The following PYY variants were observed in gnomAD, a reference collection of about 807,000 sequenced individuals.
The protein encoded by PYY is peptide YY.
A neutral mutation model predicts 10.3 loss-of-function variants in PYY; 12 were observed. That is an observed-to-expected ratio of 1.17 (90% CI 0.75 to 1.89). The LOEUF (loss-of-function observed/expected upper bound fraction) is 1.89, where lower values mean the gene tolerates loss of function less well. Ranked by LOEUF, PYY falls within the 40% of genes most tolerant of loss-of-function variation. The pLI, the probability that PYY is intolerant of heterozygous loss-of-function variation, is 0.00. For synonymous variants in PYY, 66 were observed against 62.0 expected, an observed-to-expected ratio of 1.06 and a Z score of -0.30; for missense variants, 141 against 134.0, an observed-to-expected ratio of 1.05 and a Z score of -0.26.
chr17:43,985,654 A>G (rs879694366), intron 1 of PYY, among the ~76,000 whole-genome samples: 9 of 152,216 alleles, frequency 5.9e-5, no homozygotes, highest in Non-Finnish European at 1.2e-4. Context: ...AATGTAACCA[A>G]TGGATATATC....
intron 1 of PYY, among the ~76,000 whole-genome samples, chr17:43,976,424 CAT>C (rs138273262): frequency 2.9e-4 from 36 of 126,108 alleles, no homozygotes; most frequent in African/African-American, 1.0e-3. Context: ...TATACATATA[CAT>C]ATATACACAT....
chr17:43,981,489 TTTTG>T (rs746345844), intron 1 of PYY, among the ~76,000 whole-genome samples: 66 of 152,104 alleles, frequency 4.3e-4, no homozygotes, highest in Non-Finnish European at 7.7e-4. Flanking sequence ...CTTTTCATGG[TTTTG>T]TTTGTTTGTT....
Position 43,991,887 on chromosome 17 carries a change from G to A in PYY, c.-463+12504C>T, listed in dbSNP as rs566750280. On this transcript the variant is annotated intron_variant, in intron 1 of 6. Transcript: ENST00000360085. ...TGTAATCCCAACACTCTGGGAGGCC[G>A]AGGCAGACGGATCACGAGGTCAGGA... Among the ~76,000 whole-genome samples the A allele has an allele frequency of 6.6e-5, 10 of 151,414 alleles. No homozygotes were observed. The South Asian group carries it at 8.3e-4, about 13-fold the overall frequency.
intron 1 of PYY, among the ~76,000 whole-genome samples, chr17:43,989,228 G>T (rs1205238206): frequency 6.6e-6 from 1 of 152,004 alleles, no homozygotes; most frequent in Non-Finnish European, 1.5e-5. Flanking sequence ...CAAAAAATTA[G>T]CCGGGCGTGG....
At chr17:43,960,813 G>T (rs958318670) in intron 2 of PYY, among the ~76,000 whole-genome samples, 93 of 148,016 alleles carry the variant, frequency 6.3e-4, no homozygotes, top group African/African-American at 2.3e-3. Context: ...TCATGCCACT[G>T]CACTCCAACC....
chr17:44,000,435 T>C (rs1485557776), intron 1 of PYY, among the ~76,000 whole-genome samples: 1 of 152,122 alleles, frequency 6.6e-6, no homozygotes, highest in Non-Finnish European at 1.5e-5. Flanking sequence ...TCTGGGTGTG[T>C]CAAAGTGTCC....
intron 1 of PYY, among the ~76,000 whole-genome samples, chr17:43,989,097 G>A (rs892407829): frequency 3.3e-5 from 5 of 151,902 alleles, no homozygotes; most frequent in Middle Eastern, 3.4e-3. Flanking sequence ...ATAACAGGCT[G>A]GGCGCGGTGG....
At chr17:44,000,402 CA>C (rs1402817903) in intron 1 of PYY, among the ~76,000 whole-genome samples, 1 of 152,002 alleles carries the variant, frequency 6.6e-6, no homozygotes, top group Non-Finnish European at 1.5e-5. Context: ...GGGCAGATGG[CA>C]CTGTCAAGAG....
chr17:43,973,348 G>A (rs1361879986), intron 1 of PYY, among the ~76,000 whole-genome samples: 8 of 152,130 alleles, frequency 5.3e-5, no homozygotes, highest in African/African-American at 1.9e-4. Context: ...CTAGGTCGTT[G>A]TGGAGGAAAA....
At chr17:43,972,777 C>A (rs1041892294) in intron 1 of PYY, among the ~76,000 whole-genome samples, 1 of 152,060 alleles carries the variant, frequency 6.6e-6, no homozygotes, top group Admixed American at 6.6e-5. Context: ...GGTGCAGTGG[C>A]GTGATCTCGG....
intron 2 of PYY, among the ~76,000 whole-genome samples, chr17:43,962,814 A>G (rs2048721745): frequency 6.6e-6 from 1 of 152,222 alleles, no homozygotes; most frequent in Non-Finnish European, 1.5e-5. Context: ...TCACAGTAGC[A>G]GGCGAGGGCA....
intron 1 of PYY, among the ~76,000 whole-genome samples, chr17:43,968,312 G>C (rs2048767619): frequency 6.6e-6 from 1 of 152,180 alleles, no homozygotes. Context: ...ACAATCATAG[G>C]AAGTGTGCAG....
chr17:43,962,245 C>G (rs2048717102), intron 2 of PYY, among the ~76,000 whole-genome samples: 1 of 152,156 alleles, frequency 6.6e-6, no homozygotes, highest in South Asian at 2.1e-4. Context: ...TACCCTCTCA[C>G]TCCTCTATTT....
At chr17:43,978,351 G>A (rs990613712) in intron 1 of PYY, among the ~76,000 whole-genome samples, 2 of 151,250 alleles carry the variant, frequency 1.3e-5, no homozygotes, top group Admixed American at 1.3e-4. Context: ...GGAAGGAAAA[G>A]AGAGAGAAGT....
At chr17:44,002,269 C>A (rs2049033545) in intron 1 of PYY, among the ~76,000 whole-genome samples, 1 of 152,166 alleles carries the variant, frequency 6.6e-6, no homozygotes, top group Non-Finnish European at 1.5e-5. Context: ...ACTCACTCGG[C>A]CTCCCCTGGA....
At chr17:43,953,519 G>C (rs1022865728) in intron 1 of PYY, 36 bp from the exon 2 acceptor site, 6 of 1,535,338 alleles carry the variant, frequency 3.9e-6, no homozygotes, top group Non-Finnish European at 3.5e-6. Context: ...GTCATTCCAA[G>C]CCTCGACCCT....
chr17:43,971,750 A>G (rs2048795440), intron 1 of PYY, among the ~76,000 whole-genome samples: 1 of 149,984 alleles, frequency 6.7e-6, no homozygotes, highest in African/African-American at 2.5e-5. Flanking sequence ...TATATTCTGG[A>G]TACAAGTCTT....
chr17:43,993,753 T>G (rs2048972962), intron 1 of PYY, among the ~76,000 whole-genome samples: 1 of 152,132 alleles, frequency 6.6e-6, no homozygotes. Context: ...AAAAGCAAAC[T>G]GCAGCTGTAT....
intron 1 of PYY, among the ~76,000 whole-genome samples, chr17:43,985,226 C>G (rs908131868): frequency 6.6e-6 from 1 of 151,988 alleles, no homozygotes; most frequent in Non-Finnish European, 1.5e-5. Flanking sequence ...TTTATAAATA[C>G]ATGAAACAAG....
Sources: allele counts gnomAD v4.1 joint callset (sites outside exome capture counted in the v4.1 genomes callset), GRCh38; gene constraint gnomAD v4.1.1; transcripts MANE v1.5; gene names NCBI Gene and HGNC (gene_info 2026-07-23, HGNC 2026-07-21).